The following CNGA3 variants were observed in gnomAD, a reference collection of about 807,000 sequenced individuals.
The protein encoded by CNGA3 is cyclic nucleotide gated channel subunit alpha 3, also known as cyclic nucleotide-gated channel alpha-3.
A neutral mutation model predicts 46.6 loss-of-function variants in CNGA3; 42 were observed. The observed-to-expected ratio is 0.90, with a 90% CI of 0.70 to 1.17. The LOEUF is 1.17. Among genes scored for constraint, CNGA3 ranks in the 50% most tolerant of loss-of-function variants. The pLI, the probability that CNGA3 is intolerant of heterozygous loss-of-function variation, is 0.00. For synonymous variants in CNGA3, 394 were observed against 369.4 expected, an observed-to-expected ratio of 1.07 and a Z score of -0.76; for missense variants, 893 against 890.7, an observed-to-expected ratio of 1.00 and a Z score of -0.03.
At position 98,395,118 on chromosome 2, in the gene CNGA3, C is replaced by A. The variant is rs1286791325; in HGVS notation, c.674-726C>A. Among the ~76,000 whole-genome samples, 3 of 152,100 alleles carry A rather than the reference C, an allele frequency of 2.0e-5. No individual in the cohort carries two copies. In the East Asian group the frequency reaches 5.8e-4, roughly 29 times the overall value. ...CTTGTGTTTCTTTCTCCTAGGTGTA[C>A]CTTCAACCTTGATAAAAATAAACCT... On this transcript the variant is annotated intron_variant, in intron 7 of 7. Coordinates refer to ENST00000272602, the MANE Select transcript of CNGA3 (RefSeq NM_001298.3).
At chr2:98,348,400 A>T (rs894729521) in intron 1 of CNGA3, among the ~76,000 whole-genome samples, 1 of 152,164 alleles carries the variant, frequency 6.6e-6, no homozygotes, top group Non-Finnish European at 1.5e-5. Flanking sequence ...TCTGATTAAT[A>T]TTGAGGTTGC....
intron 1 of CNGA3, among the ~76,000 whole-genome samples, chr2:98,360,697 C>G (rs964813189): frequency 3.3e-5 from 5 of 151,800 alleles, no homozygotes; most frequent in African/African-American, 1.2e-4. Flanking sequence ...ATAATGAGGC[C>G]GGGGGGAGGT....
intron 1 of CNGA3, among the ~76,000 whole-genome samples, chr2:98,348,700 C>T (rs948134469): frequency 6.6e-6 from 1 of 152,174 alleles, no homozygotes; most frequent in Non-Finnish European, 1.5e-5. Context: ...TTCTCTCTGA[C>T]CTAATGCATT....
At position 98,397,489 on chromosome 2, in the gene CNGA3, G is replaced by A; in HGVS notation, c.*234G>A. ...AAGTCCGCATGAAACACTGCACCAG[G>A]CAGGGCTTTGCAAAGTGCAAGGTAT... On this transcript the variant is annotated 3_prime_UTR_variant, in exon 8 of 8. Transcript: ENST00000272602. 1 of 586,878 alleles carries A rather than the reference G, an allele frequency of 1.7e-6. No homozygotes were observed. The highest frequency in any genetic ancestry group is 3.0e-6 in the Non-Finnish European group (1 of 329,420). The allele number at this position is 586,878 out of a possible 1,614,324, so 36.4% of individuals were successfully genotyped here. A position where few individuals can be genotyped will look rare whatever the true frequency, so the allele number is the denominator to read the frequency against.
intron 1 of CNGA3, among the ~76,000 whole-genome samples, chr2:98,361,422 G>A (rs565957363): frequency 3.7e-4 from 57 of 152,170 alleles, no homozygotes; most frequent in Admixed American, 3.0e-3. Flanking sequence ...TCTTTATCTA[G>A]TCTATCATTG....
At chr2:98,391,806 G>A (rs1443872745) in intron 6 of CNGA3, 58 bp from the exon 7 acceptor site, 13 of 1,544,024 alleles carry the variant, frequency 8.4e-6, no homozygotes, top group Non-Finnish European at 1.2e-5. Context: ...CCACAGGTGG[G>A]TGGTCCACGC....
chr2:98,380,770 G>C (rs553858206), intron 4 of CNGA3, among the ~76,000 whole-genome samples: 8 of 152,304 alleles, frequency 5.3e-5, no homozygotes, highest in East Asian at 1.9e-4. Flanking sequence ...AGGAGCCTTG[G>C]GGGGGTGTCT....
intron 1 of CNGA3, among the ~76,000 whole-genome samples, chr2:98,357,544 CA>C (rs959987337): frequency 3.3e-5 from 5 of 152,194 alleles, no homozygotes; most frequent in Non-Finnish European, 7.3e-5. Flanking sequence ...CTGTTTTCCC[CA>C]TGCAAATGTT....
Position 98,383,457 on chromosome 2 carries a change from C to G in CNGA3, c.449+16C>G, listed in dbSNP as rs1396154643. On this transcript the variant is annotated intron_variant, in intron 5 of 7. Transcript: ENST00000272602. ...CGGAGGAGGAGTAAGTACCCACACACCCAGCAGAGCCCTCCCCAAGCCCGG... is the reference window on the plus strand; with the variant it reads ...CGGAGGAGGAGTAAGTACCCACACAGCCAGCAGAGCCCTCCCCAAGCCCGG... The G allele has an allele frequency of 2.5e-6, 4 of 1,614,132 alleles. No homozygotes were observed. The highest frequency in any genetic ancestry group is 3.4e-6 in the Non-Finnish European group (4 of 1,179,976).
Position 98,396,539 on chromosome 2 carries a change from CT to C in CNGA3, c.1370del (p.Leu457ProfsTer8). 6.2e-7 allele frequency: 1 copy of C among 1,613,972 alleles called. No homozygotes were observed. Among genetic ancestry groups the C allele is most frequent in the Non-Finnish European group, 8.5e-7 (1 of 1,180,000 alleles). On this transcript the variant is annotated frameshift_variant, in exon 8 of 8. Transcript: ENST00000272602. LOFTEE classifies it high-confidence loss of function. ...GAAGACGGTGGATGAGAAGGAGGTG[CT>C]CAAGAGCCTCCCAGACAAGCTGAAG... ...NKKTVDEKEV[L>X]KSLPDKLKAE...
Position 98,358,898 on chromosome 2 carries a change from T to C in CNGA3, c.-37-11041T>C, listed in dbSNP as rs188082193. ...GCTCACTCCTAAACCTTGAGGGACT[T>C]GGGTCAAGAGTACAAATGACCCACT... On this transcript the variant is annotated intron_variant, in intron 1 of 7. Transcript: ENST00000272602. 2.6e-5 allele frequency among the ~76,000 whole-genome samples: 4 copies of C among 152,364 alleles called. No homozygotes were observed. The East Asian group carries it at 7.7e-4, about 29-fold the overall frequency.
At chr2:98,352,560 T>C (rs913137462) in intron 1 of CNGA3, among the ~76,000 whole-genome samples, 1 of 152,184 alleles carries the variant, frequency 6.6e-6, no homozygotes, top group African/African-American at 2.4e-5. Context: ...ATTGTATGTA[T>C]CATCTTGCCT....
rs946421808 is a variant in CNGA3 at position 98,396,794 on chromosome 2, A to G, written c.1624A>G (p.Ser542Gly). ...TGGGGTCACCCAGTTCGTGGTCCTC[A>G]GCGATGGCAGCTACTTCGGGGAGAT... ...DDGVTQFVVLSDGSYFGEISI... is the reference protein window; with the variant it reads ...DDGVTQFVVLGDGSYFGEISI... The change falls in exon 8 of 8, where the codon AGC becomes GGC. Residue 542 changes from serine (S) to glycine (G), a missense_variant. Coordinates refer to ENST00000272602, the MANE Select transcript of CNGA3 (RefSeq NM_001298.3). 4 of 1,614,116 alleles carry G rather than the reference A, an allele frequency of 2.5e-6. No homozygotes were observed. Among genetic ancestry groups the G allele is most frequent in the African/African-American group, 2.7e-5 (2 of 74,936 alleles).
At position 98,377,791 on chromosome 2, in the gene CNGA3, G is replaced by C; in HGVS notation, c.206G>C (p.Gly69Ala). Residue 69 changes from glycine to alanine, a missense_variant, in exon 3 of 8, where the codon GGG becomes GCG. Around this residue, in one of 3 missense-constraint regions of CNGA3, gnomAD observed 333 missense variants for 290.8 expected, o/e 1.15. Transcript: ENST00000272602. ...GGGCAGGGCTCCTTCACCGGCCAGG[G>C]GATCGCCAGGTAACTGACCAGCCTC... Reference protein sequence around the residue: ...DSGQGSFTGQGIARLSRLIFL... With the variant: ...DSGQGSFTGQAIARLSRLIFL... 1 of 1,610,736 alleles carries C rather than the reference G, an allele frequency of 6.2e-7. No homozygotes were observed. The highest frequency in any genetic ancestry group is 8.5e-7 in the Non-Finnish European group (1 of 1,179,472).
intron 2 of CNGA3, among the ~76,000 whole-genome samples, chr2:98,370,693 G>A (rs1433429031): frequency 3.9e-5 from 6 of 152,308 alleles, no homozygotes; most frequent in East Asian, 1.9e-4. Context: ...CTGGGAAAAC[G>A]CATTTAACCA....
intron 1 of CNGA3, among the ~76,000 whole-genome samples, chr2:98,351,329 C>A (rs1691762857): frequency 6.6e-6 from 1 of 152,146 alleles, no homozygotes; most frequent in African/African-American, 2.4e-5. Flanking sequence ...GGGAGGGACC[C>A]AGTGGGAGGT....
chr2:98,393,996 G>T (rs558282734), intron 7 of CNGA3, among the ~76,000 whole-genome samples: 1 of 150,768 alleles, frequency 6.6e-6, no homozygotes, highest in Non-Finnish European at 1.5e-5. Context: ...AGAGTGAGAC[G>T]TCCTACCCCA....
In CNGA3 at chr2:98,353,302, A is replaced by G. The variant is rs150274056; in HGVS notation, c.-38+6768A>G. On this transcript the variant is annotated intron_variant, in intron 1 of 7. Transcript: ENST00000272602. ...ACTCACTAACACTTGTTATGGTAATATTAACATTTTATAGTTCTTTTTCTT... is the reference window on the plus strand; with the variant it reads ...ACTCACTAACACTTGTTATGGTAATGTTAACATTTTATAGTTCTTTTTCTT... Among the ~76,000 whole-genome samples the G allele has an allele frequency of 3.5e-3, 517 of 148,750 alleles. 3 individuals are homozygous for G. The highest frequency in any genetic ancestry group is 0.012 in the African/African-American group (493 of 41,484).
chr2:98,374,535 G>A (rs1343735899), intron 2 of CNGA3, among the ~76,000 whole-genome samples: 3 of 152,124 alleles, frequency 2.0e-5, no homozygotes, highest in African/African-American at 2.4e-5. Context: ...CTGGCCCCAC[G>A]ACTCTCATTT....
Sources: allele counts gnomAD v4.1 joint callset (sites outside exome capture counted in the v4.1 genomes callset), GRCh38; gene constraint gnomAD v4.1.1; regional missense constraint gnomAD v4.1.1; transcripts MANE v1.5; gene names NCBI Gene and HGNC (gene_info 2026-07-23, HGNC 2026-07-21).